Variants in CAST observed in about 807,000 individuals in gnomAD.
CAST encodes the protein calpastatin.
CAST carries 76 observed loss-of-function variants against 119.6 expected under a neutral mutation model. The observed-to-expected ratio is 0.64, with a 90% CI of 0.53 to 0.77. The LOEUF (loss-of-function observed/expected upper bound fraction) is 0.77, where lower values mean the gene tolerates loss of function less well. Among genes scored for constraint, CAST ranks in the 30% least tolerant of loss-of-function variants. The pLI, the probability that CAST is intolerant of heterozygous loss-of-function variation, is 0.00. For missense variants in CAST, 953 were observed against 946.5 expected (o/e 1.01, Z -0.09); for synonymous variants, 319 against 331.6 (o/e 0.96, Z 0.41).
intron 1 of CAST, among the ~76,000 whole-genome samples, chr5:96,610,100 A>G (rs1367336693): frequency 2.0e-5 from 3 of 152,200 alleles, no homozygotes; most frequent in African/African-American, 4.8e-5. Context: ...TGTTGTTATC[A>G]TGATAGTGAA....
chr5:96,536,082 G>T (rs1474188990), intron 1 of CAST, among the ~76,000 whole-genome samples: 1 of 145,250 alleles, frequency 6.9e-6, no homozygotes, highest in Non-Finnish European at 1.5e-5. Flanking sequence ...GGAGGGCTGG[G>T]TGCAGTGGCT....
chr5:96,273,101 C>T, the CAST span, among the ~76,000 whole-genome samples: 1 of 152,190 alleles, frequency 6.6e-6, no homozygotes, highest in Admixed American at 6.5e-5. Flanking sequence ...GAAGGAACAA[C>T]CCTAGAGAAG....
intron 29 of CAST, 150 bp downstream of exon 29, chr5:96,768,149 T>G: frequency 1.5e-6 from 1 of 667,132 alleles, no homozygotes; most frequent in Non-Finnish European, 2.7e-6. Context: ...AGTGGTGTGA[T>G]CTCAGCTTAC....
chr5:96,279,134 T>G, the CAST span, among the ~76,000 whole-genome samples: 3 of 152,198 alleles, frequency 2.0e-5, no homozygotes, highest in Non-Finnish European at 2.9e-5. Context: ...CGGGTGGACT[T>G]CCAGCCAAAT....
chr5:96,100,279 G>A, the CAST span, among the ~76,000 whole-genome samples: 1 of 152,088 alleles, frequency 6.6e-6, no homozygotes, highest in Non-Finnish European at 1.5e-5. Context: ...GGTTGTATTT[G>A]GTGTATTAGA....
At chr5:96,328,277 G>C in the CAST span, among the ~76,000 whole-genome samples, 1 of 152,224 alleles carries the variant, frequency 6.6e-6, no homozygotes, top group South Asian at 2.1e-4. Flanking sequence ...GCCTGGATGA[G>C]TGTTTTATTG....
chr5:96,659,046 C>T (rs1260423430), upstream of CAST, among the ~76,000 whole-genome samples: 1 of 152,144 alleles, frequency 6.6e-6, no homozygotes, highest in African/African-American at 2.4e-5. Context: ...GTAGAACAGC[C>T]AGTTGGTGGA....
At chr5:95,994,240 G>T in the CAST span, among the ~76,000 whole-genome samples, 2 of 152,136 alleles carry the variant, frequency 1.3e-5, no homozygotes, top group African/African-American at 4.8e-5. Flanking sequence ...CACATTACTT[G>T]TAATGGTGTC....
At chr5:96,749,897 T>G (rs977647175) in intron 19 of CAST, among the ~76,000 whole-genome samples, 1 of 152,186 alleles carries the variant, frequency 6.6e-6, no homozygotes, top group African/African-American at 2.4e-5. Context: ...TTCTCAAACT[T>G]TAGCATGCAT....
chr5:96,146,296 AATCACATTCAGGTGGACTCAAGGAAGAGC>A, the CAST span, among the ~76,000 whole-genome samples: 8 of 152,356 alleles, frequency 5.3e-5, no homozygotes, highest in East Asian at 1.9e-4. Flanking sequence ...GCTGCATGAG[AATCACATTCAGGTGGACTCAAGGAAGAGC>A]ATCACATTCA....
the CAST span, among the ~76,000 whole-genome samples, chr5:96,217,351 T>C: frequency 1.3e-5 from 2 of 149,344 alleles, no homozygotes; most frequent in East Asian, 4.1e-4. Flanking sequence ...AAATTAAATT[T>C]TTTTTTTTTA....
chr5:96,226,975 A>G, the CAST span, among the ~76,000 whole-genome samples: 283 of 152,310 alleles, frequency 1.9e-3, 1 homozygote, highest in South Asian at 7.7e-3. Context: ...CTGAGTGTCC[A>G]CGGTTTCTAG....
At chr5:96,471,805 A>C in the CAST span, among the ~76,000 whole-genome samples, 8 of 91,832 alleles carry the variant, frequency 8.7e-5, no homozygotes, top group Admixed American at 8.5e-4. Flanking sequence ...TGTGATTTGC[A>C]TATGCGTATT....
At chr5:96,529,371 G>GTTT (rs1745650816), upstream of CAST, among the ~76,000 whole-genome samples, 1 of 93,564 alleles carries the variant, frequency 1.1e-5, no homozygotes, top group African/African-American at 5.1e-5. Flanking sequence ...ATAATCATTG[G>GTTT]GTTTTTTTTT....
chr5:96,085,577 C>T, the CAST span, among the ~76,000 whole-genome samples: 1 of 152,162 alleles, frequency 6.6e-6, no homozygotes, highest in East Asian at 1.9e-4. Flanking sequence ...GTAAATAATA[C>T]CTTGAAAGTC....
the CAST span, among the ~76,000 whole-genome samples, chr5:96,442,329 A>T: frequency 0.14 from 21,164 of 152,206 alleles, 1,716 homozygotes; most frequent in East Asian, 0.27. Context: ...CACTGAGAAC[A>T]TTGCTTAGCC....
intron 1 of CAST, among the ~76,000 whole-genome samples, chr5:96,628,369 C>T (rs549275637): frequency 6.6e-6 from 1 of 152,356 alleles, no homozygotes; most frequent in South Asian, 2.1e-4. Flanking sequence ...CTTCTATAAA[C>T]ACACAGCATT....
At chr5:96,142,202 G>A in the CAST span, among the ~76,000 whole-genome samples, 1 of 152,164 alleles carries the variant, frequency 6.6e-6, no homozygotes, top group African/African-American at 2.4e-5. Context: ...CACAAGGTCA[G>A]GAGTTCGAGA....
chr5:96,524,971 T>C (rs998708383), upstream of CAST, among the ~76,000 whole-genome samples: 2 of 152,228 alleles, frequency 1.3e-5, no homozygotes. Flanking sequence ...GTGGGAATGA[T>C]ATTGATTACT....
Sources: gnomAD v4.1 joint callset for allele counts (sites outside exome capture counted in the v4.1 genomes callset) on GRCh38, gnomAD v4.1.1 for gene constraint, MANE v1.5 for transcripts, NCBI Gene and HGNC (gene_info 2026-07-23, HGNC 2026-07-21) for gene names.